FBLN7: variants seen among roughly 807,000 people sequenced by gnomAD.
FBLN7 encodes the protein fibulin-7.
In FBLN7, 31 loss-of-function variants were observed where a neutral mutation model predicts 44.0. That is an observed-to-expected ratio of 0.70 (90% CI 0.53 to 0.95). The LOEUF (loss-of-function observed/expected upper bound fraction) is 0.95. FBLN7 is among the 40% of genes least tolerant of loss of function. The probability of loss-of-function intolerance (pLI) is 0.00; values close to 1 mark genes in which losing one functional copy is unlikely to be tolerated. For synonymous variants in FBLN7, 262 were observed against 253.4 expected, an observed-to-expected ratio of 1.03 and a Z score of -0.32; for missense variants, 573 against 618.5, an observed-to-expected ratio of 0.93 and a Z score of 0.78.
At chr2:112,219,689 G>T in the FBLN7 span, among the ~76,000 whole-genome samples, 1 of 151,900 alleles carries the variant, frequency 6.6e-6, no homozygotes, top group Non-Finnish European at 1.5e-5. Context: ...TTTATGCCCG[G>T]GTGTATGGTC....
chr2:112,148,142 C>T (rs561912176), intron 1 of FBLN7, among the ~76,000 whole-genome samples: 7 of 152,264 alleles, frequency 4.6e-5, no homozygotes, highest in South Asian at 2.1e-4. Context: ...TGCTCCTTTC[C>T]GGCCTAGTAT....
the FBLN7 span, among the ~76,000 whole-genome samples, chr2:112,218,679 TAGAG>T: frequency 5.3e-4 from 81 of 151,766 alleles, no homozygotes; most frequent in South Asian, 3.5e-3. Context: ...TTTGGAAACA[TAGAG>T]AGAGAGAGAG....
chr2:112,226,615 C>T, the FBLN7 span, among the ~76,000 whole-genome samples: 30 of 116,524 alleles, frequency 2.6e-4, no homozygotes, highest in South Asian at 7.8e-3. Flanking sequence ...AGCTCAGGCC[C>T]AGTTGTCTTA....
chr2:112,160,582 G>A (rs966068261), intron 2 of FBLN7, among the ~76,000 whole-genome samples: 5 of 152,184 alleles, frequency 3.3e-5, no homozygotes, highest in African/African-American at 9.7e-5. Flanking sequence ...GCAGTTTTAA[G>A]TTCATAGCAG....
chr2:112,180,247 T>A (rs1474299592), intron 4 of FBLN7, among the ~76,000 whole-genome samples: 1 of 152,054 alleles, frequency 6.6e-6, no homozygotes, highest in African/African-American at 2.4e-5. Flanking sequence ...AAGCTCCATA[T>A]CACTGATGAT....
At chr2:112,156,125 C>T (rs1681406847) in intron 1 of FBLN7, among the ~76,000 whole-genome samples, 1 of 152,228 alleles carries the variant, frequency 6.6e-6, no homozygotes, top group African/African-American at 2.4e-5. Flanking sequence ...TGCCCAGGTG[C>T]CCAACCTGAA....
chr2:112,178,228 G>A (rs144304523), intron 4 of FBLN7, among the ~76,000 whole-genome samples: 4 of 144,566 alleles, frequency 2.8e-5, no homozygotes, highest in African/African-American at 1.0e-4. Context: ...AACCAAAAAT[G>A]TGAACACTTT....
intron 3 of FBLN7, among the ~76,000 whole-genome samples, chr2:112,169,455 G>A (rs1266563289): frequency 6.6e-6 from 1 of 152,066 alleles, no homozygotes; most frequent in East Asian, 1.9e-4. Context: ...TTCTGAATTG[G>A]TAACCATAGC....
chr2:112,243,578 CA>C, the FBLN7 span, among the ~76,000 whole-genome samples: 1 of 152,054 alleles, frequency 6.6e-6, no homozygotes, highest in Non-Finnish European at 1.5e-5. Flanking sequence ...AATTACCTCA[CA>C]AAGAAGAATC....
chr2:112,243,666 T>A, the FBLN7 span, among the ~76,000 whole-genome samples: 1 of 152,190 alleles, frequency 6.6e-6, no homozygotes, highest in Non-Finnish European at 1.5e-5. Context: ...GGCTGTGTTG[T>A]GGAAACTTGT....
chr2:112,237,608 G>A, the FBLN7 span, among the ~76,000 whole-genome samples: 7 of 150,280 alleles, frequency 4.7e-5, no homozygotes, highest in South Asian at 2.1e-4. Flanking sequence ...ACAGAGTCTC[G>A]CTCTGTTGTC....
At chr2:112,235,826 G>A in the FBLN7 span, among the ~76,000 whole-genome samples, 1 of 151,858 alleles carries the variant, frequency 6.6e-6, no homozygotes, top group Non-Finnish European at 1.5e-5. Context: ...CCAGGATGAG[G>A]GACTTTAGTA....
chr2:112,240,244 A>G, the FBLN7 span: 1 of 152,242 alleles, frequency 6.6e-6, no homozygotes, highest in African/African-American at 2.4e-5. Flanking sequence ...AACACCAATT[A>G]CATCCATTCA....
chr2:112,228,744 C>T, the FBLN7 span, among the ~76,000 whole-genome samples: 117 of 151,644 alleles, frequency 7.7e-4, no homozygotes, highest in African/African-American at 2.1e-3. Flanking sequence ...ATAAACTGTA[C>T]GACATCAAAA....
At chr2:112,183,904 G>T (rs1683121687) in intron 6 of FBLN7, among the ~76,000 whole-genome samples, 1 of 152,186 alleles carries the variant, frequency 6.6e-6, no homozygotes, top group African/African-American at 2.4e-5. Flanking sequence ...CCTCGCAACA[G>T]TCACCATCAT....
downstream of FBLN7, among the ~76,000 whole-genome samples, chr2:112,191,207 G>C (rs1683478617): frequency 6.6e-6 from 1 of 152,046 alleles, no homozygotes; most frequent in Admixed American, 6.6e-5. Flanking sequence ...ACAGAGTCCA[G>C]CTCTGTTGCC....
rs1465048922 is a variant in FBLN7 at position 112,138,677 on chromosome 2, G to A, written c.22G>A (p.Ala8Thr). 11 of 1,613,640 alleles carry A rather than the reference G, an allele frequency of 6.8e-6. No homozygotes were observed. Among genetic ancestry groups the A allele is most frequent in the African/African-American group, 6.7e-5 (5 of 74,878 alleles). ...CAAGATGGTGCCCAGCTCTCCGCGC[G>A]CGCTCTTCCTTCTGCTCCTGATCCT... MVPSSPR[A>T]LFLLLLILAC... The change falls in exon 1 of 8, where the codon GCG becomes ACG. Residue 8 changes from alanine (A) to threonine (T), a missense_variant. Transcript: ENST00000331203.
At chr2:112,230,463 G>T in the FBLN7 span, among the ~76,000 whole-genome samples, 2 of 152,070 alleles carry the variant, frequency 1.3e-5, no homozygotes, top group Admixed American at 1.3e-4. Flanking sequence ...ATAGTAGAAT[G>T]ACCAAATAAC....
At chr2:112,231,454 TTAAC>T in the FBLN7 span, among the ~76,000 whole-genome samples, 25 of 152,348 alleles carry the variant, frequency 1.6e-4, no homozygotes, top group Middle Eastern at 3.4e-3. Flanking sequence ...AAATTACTAC[TTAAC>T]TATTATTTGA....
Sources: allele counts gnomAD v4.1 joint callset (sites outside exome capture counted in the v4.1 genomes callset), GRCh38; gene constraint gnomAD v4.1.1; transcripts MANE v1.5; gene names NCBI Gene and HGNC (gene_info 2026-07-23, HGNC 2026-07-21).